The following ANKS1A variants were observed in gnomAD, a reference collection of about 807,000 sequenced individuals.
ANKS1A encodes the protein ankyrin repeat and SAM domain-containing protein 1A.
Under a neutral mutation model 120.3 loss-of-function variants are expected in ANKS1A, and 55 were observed. The observed-to-expected ratio is 0.46, with a 90% confidence interval of 0.37 to 0.57. The LOEUF is 0.57. ANKS1A is among the 20% of genes least tolerant of loss of function. ANKS1A has a pLI of 0.00. For missense variants in ANKS1A, 1,123 were observed against 1,480.3 expected, an observed-to-expected ratio of 0.76 and a Z score of 3.96; for synonymous variants, 590 against 604.7, an observed-to-expected ratio of 0.98 and a Z score of 0.36.
At chr6:35,018,095 G>C in intron 11 of ANKS1A, 36 bp downstream of exon 11, 1 of 1,588,846 alleles carries the variant, frequency 6.3e-7, no homozygotes. Flanking sequence ...AGCTGGGCTG[G>C]CCAGGCTGGC....
At chr6:34,951,253 A>C (rs542193106) in intron 1 of ANKS1A, among the ~76,000 whole-genome samples, 2 of 152,046 alleles carry the variant, frequency 1.3e-5, no homozygotes, top group African/African-American at 4.8e-5. Flanking sequence ...TATATTTTAA[A>C]TTATTTATGT....
chr6:34,970,544 CTCTG>C (rs1757594809), intron 3 of ANKS1A, among the ~76,000 whole-genome samples: 1 of 152,202 alleles, frequency 6.6e-6, no homozygotes, highest in African/African-American at 2.4e-5. Context: ...CATTAGCTGT[CTCTG>C]TCTGTGGGTT....
intron 10 of ANKS1A, among the ~76,000 whole-genome samples, chr6:35,001,121 AAC>A (rs1773144467): frequency 1.3e-5 from 2 of 152,360 alleles, no homozygotes; most frequent in African/African-American, 4.8e-5. Context: ...TAACGTTAAT[AAC>A]ACACTAATAT....
chr6:35,070,658 G>A (rs1777035516), intron 13 of ANKS1A, among the ~76,000 whole-genome samples: 5 of 151,750 alleles, frequency 3.3e-5, no homozygotes, highest in Admixed American at 3.3e-4. Flanking sequence ...CTAATTTTTT[G>A]TATTTTTACT....
At chr6:34,967,843 C>T (rs1770978669) in intron 2 of ANKS1A, among the ~76,000 whole-genome samples, 1 of 151,964 alleles carries the variant, frequency 6.6e-6, no homozygotes, top group African/African-American at 2.4e-5. Flanking sequence ...ACCAAAAAAT[C>T]TTCAGCCAAG....
intron 1 of ANKS1A, among the ~76,000 whole-genome samples, chr6:34,931,254 C>G (rs571238660): frequency 7.2e-5 from 11 of 151,914 alleles, no homozygotes; most frequent in Non-Finnish European, 1.2e-4. Context: ...TCAAGCGATT[C>G]TCCTGCCTCA....
chr6:35,037,608 C>G (rs1775241037), intron 11 of ANKS1A, among the ~76,000 whole-genome samples: 2 of 152,084 alleles, frequency 1.3e-5, no homozygotes, highest in African/African-American at 2.4e-5. Flanking sequence ...ATTTATGTAC[C>G]ACTTCCAGTC....
chr6:35,066,398 G>A (rs554239955), intron 13 of ANKS1A, among the ~76,000 whole-genome samples: 5 of 152,200 alleles, frequency 3.3e-5, no homozygotes, highest in Admixed American at 2.6e-4. Context: ...AGATCTACAC[G>A]GCTGATTTGG....
chr6:35,040,308 T>A (rs1775392409), intron 11 of ANKS1A, among the ~76,000 whole-genome samples: 1 of 152,232 alleles, frequency 6.6e-6, no homozygotes, highest in Non-Finnish European at 1.5e-5. Context: ...ATTGAGAGAT[T>A]CATGTGGATA....
intron 10 of ANKS1A, among the ~76,000 whole-genome samples, chr6:34,997,195 ATTT>A (rs372595838): frequency 2.3e-5 from 3 of 130,258 alleles, no homozygotes; most frequent in Non-Finnish European, 1.6e-5. Context: ...TATTGGTAGA[ATTT>A]TTTTTTTTTT....
In ANKS1A at chr6:35,018,047, G is replaced by A. The variant is rs763316726; in HGVS notation, c.1998G>A (p.Ser666=). The A allele has an allele frequency of 6.2e-6, 10 of 1,613,496 alleles. No individual in the cohort carries two copies. The highest frequency in any genetic ancestry group is 3.3e-5 in the South Asian group (3 of 91,046). Residue 666 remains serine, a synonymous_variant, in exon 11 of 24, where the codon TCG becomes TCA. Transcript: ENST00000360359. ...KRLEKSPSFA[S]EWDEIEKIMS... is the part of the protein sequence containing the mutation. ...TAGAGAAGTCACCCTCCTTCGCCTC[G>A]GAGTGGGATGAGGTAAGGCCGACAT...
chr6:35,033,829 C>G (rs889051266), intron 11 of ANKS1A, among the ~76,000 whole-genome samples: 3 of 152,218 alleles, frequency 2.0e-5, no homozygotes, highest in African/African-American at 7.2e-5. Context: ...AAGGGGTTCA[C>G]TTCCCCAGGT....
intron 11 of ANKS1A, among the ~76,000 whole-genome samples, chr6:35,052,500 T>TGTC (rs1432222481): frequency 1.3e-5 from 2 of 149,624 alleles, no homozygotes; most frequent in African/African-American, 2.5e-5. Flanking sequence ...GGCACCTACC[T>TGTC]GTCGTCGTCG....
chr6:34,971,014 A>G (rs1231497253), intron 3 of ANKS1A, among the ~76,000 whole-genome samples: 2 of 152,332 alleles, frequency 1.3e-5, no homozygotes, highest in African/African-American at 4.8e-5. Flanking sequence ...TCTCAAAAGT[A>G]AAAGTAAATT....
chr6:34,916,634 T>C (rs141495138), intron 1 of ANKS1A, among the ~76,000 whole-genome samples: 2 of 152,298 alleles, frequency 1.3e-5, no homozygotes, highest in East Asian at 1.9e-4. Context: ...ATTTGGTCTC[T>C]TGTAAAAGTC....
At position 35,060,770 on chromosome 6, in the gene ANKS1A, G is replaced by T. The variant is rs904660427; in HGVS notation, c.2184+517G>T. Among the ~76,000 whole-genome samples the T allele has an allele frequency of 1.3e-5, 2 of 152,186 alleles. No individual in the cohort carries two copies. Among genetic ancestry groups the T allele is most frequent in the African/African-American group, 4.8e-5 (2 of 41,454 alleles). On this transcript the variant is annotated intron_variant, in intron 13 of 23. Coordinates refer to ENST00000360359, the MANE Select transcript of ANKS1A (RefSeq NM_015245.3). This position sits in a 1 kb window ranked among gnomAD's most constrained non-coding sequence, Gnocchi z 4.5. ...GAGTTGATGGCCTGGAGGATTGGTT[G>T]CTTCTTTGAGAAGCTCTCTCACAAA...
At chr6:34,997,798 G>T (rs1772935598) in intron 10 of ANKS1A, among the ~76,000 whole-genome samples, 1 of 152,204 alleles carries the variant, frequency 6.6e-6, no homozygotes, top group African/African-American at 2.4e-5. Context: ...AGTGGGGCTG[G>T]TGTCCTTAGC....
Position 34,982,061 on chromosome 6 carries a change from C to T in ANKS1A, c.732+75C>T. The T allele has an allele frequency of 6.6e-7, 1 of 1,526,202 alleles. No individual in the cohort carries two copies. The highest frequency in any genetic ancestry group is 8.9e-7 in the Non-Finnish European group (1 of 1,129,834). 94.5% of individuals were successfully genotyped at this position (1,526,202 alleles called of 1,614,324 possible). ...TGCAGAAGGCACAAGGACCATGCTG[C>T]TGGGCTGTGCTCTTTATTTAGCACG... On this transcript the variant is annotated intron_variant, in intron 4 of 23. Transcript: ENST00000360359. This position sits in a 1 kb window ranked among gnomAD's most constrained non-coding sequence, Gnocchi z 4.9.
chr6:35,076,398 C>T (rs1383788236), intron 13 of ANKS1A, among the ~76,000 whole-genome samples: 7 of 152,056 alleles, frequency 4.6e-5, no homozygotes, highest in South Asian at 4.1e-4. Flanking sequence ...AGCGACAGAG[C>T]GAGACTCTGT....
Sources: gnomAD v4.1 joint callset for allele counts (sites outside exome capture counted in the v4.1 genomes callset) on GRCh38, gnomAD v4.1.1 for gene constraint, Gnocchi (gnomAD v3.1) non-coding constraint, MANE v1.5 for transcripts, NCBI Gene and HGNC (gene_info 2026-07-23, HGNC 2026-07-21) for gene names.